The following PACRG variants were observed in gnomAD, a reference collection of about 807,000 sequenced individuals.
The protein encoded by PACRG is parkin coregulated gene protein.
PACRG carries 29 observed loss-of-function variants against 29.7 expected under a neutral mutation model. The observed-to-expected ratio is 0.98, with a 90% CI of 0.73 to 1.33. PACRG has a LOEUF of 1.33. Ranked by LOEUF, PACRG falls within the 40% of genes most tolerant of loss-of-function variation. The pLI is 0.00. For synonymous variants in PACRG, 116 were observed against 118.7 expected, an observed-to-expected ratio of 0.98 and a Z score of 0.15; for missense variants, 279 against 316.2, an observed-to-expected ratio of 0.88 and a Z score of 0.89.
At chr6:163,145,600 G>A (rs1777760894) in intron 4 of PACRG, among the ~76,000 whole-genome samples, 1 of 152,158 alleles carries the variant, frequency 6.6e-6, no homozygotes, top group African/African-American at 2.4e-5. Context: ...ATACAGTACT[G>A]GCTTCAGCGG....
rs75404825 is a variant in PACRG, at chr6:162,958,492, A to T, written c.292-103658A>T. Among the ~76,000 whole-genome samples the T allele has an allele frequency of 9.0e-3, 1,371 of 152,062 alleles. 14 individuals carry two copies. Among genetic ancestry groups the T allele is most frequent in the African/African-American group, 0.024 (989 of 41,474 alleles). ...TCAATCATATTTGGTAGCTCCTCTT[A>T]ATTACCTGACCTATGGTGGTCATTT... On this transcript the variant is annotated intron_variant, in intron 2 of 4. Coordinates refer to ENST00000366888, the MANE Select transcript of PACRG (RefSeq NM_001080379.2).
At chr6:163,029,262 T>A (rs1258665245) in intron 2 of PACRG, among the ~76,000 whole-genome samples, 2 of 152,216 alleles carry the variant, frequency 1.3e-5, no homozygotes, top group Admixed American at 1.3e-4. Flanking sequence ...CACCTTGATG[T>A]CAGCCTGCGA....
At chr6:163,000,913 G>C (rs1804532421) in intron 2 of PACRG, among the ~76,000 whole-genome samples, 1 of 152,198 alleles carries the variant, frequency 6.6e-6, no homozygotes, top group Non-Finnish European at 1.5e-5. Flanking sequence ...AGGGGCTCCT[G>C]AAACACTTAG....
At chr6:163,237,818 T>C (rs960153693) in intron 4 of PACRG, among the ~76,000 whole-genome samples, 4 of 152,346 alleles carry the variant, frequency 2.6e-5, no homozygotes, top group Non-Finnish European at 5.9e-5. Flanking sequence ...TATTACTACA[T>C]GTTTTGCTCA....
intron 4 of PACRG, among the ~76,000 whole-genome samples, chr6:163,156,042 C>A (rs1428841460): frequency 6.6e-6 from 1 of 152,206 alleles, no homozygotes; most frequent in Admixed American, 6.5e-5. Flanking sequence ...CCCTTCGCAG[C>A]GCTCTCCTGA....
rs112860933 is a variant in PACRG, at chr6:163,143,340, C to T, written c.613+53932C>T. Among the ~76,000 whole-genome samples the T allele has an allele frequency of 7.5e-4, 115 of 152,318 alleles. 1 individual carries two copies. The highest frequency in any genetic ancestry group is 2.2e-3 in the African/African-American group (93 of 41,578). The stretch of plus-strand genomic sequence containing the variant: ...GGTGTCTCAGCTTGATGATGGTGTC[C>T]ACCATGGCTTCGTGGTTTCCAACGC... On this transcript the variant is annotated intron_variant, in intron 4 of 4. Transcript: ENST00000366888.
At chr6:163,250,519 G>A (rs537792669) in intron 4 of PACRG, among the ~76,000 whole-genome samples, 23 of 152,320 alleles carry the variant, frequency 1.5e-4, no homozygotes, top group Non-Finnish European at 3.2e-4. Flanking sequence ...GCTTTCTGGA[G>A]GAGTCTGTAG....
chr6:163,270,199 C>G (rs1783772200), intron 4 of PACRG, among the ~76,000 whole-genome samples: 1 of 152,084 alleles, frequency 6.6e-6, no homozygotes, highest in Non-Finnish European at 1.5e-5. Context: ...ATAAAGCGAG[C>G]ATTTCAATTC....
chr6:163,018,260 A>G (rs1207067786), intron 2 of PACRG, among the ~76,000 whole-genome samples: 2 of 152,194 alleles, frequency 1.3e-5, no homozygotes, highest in Admixed American at 6.5e-5. Flanking sequence ...CTACACTACC[A>G]AAGCATTATA....
At chr6:163,275,211 A>C (rs1046101343) in intron 4 of PACRG, among the ~76,000 whole-genome samples, 1 of 152,140 alleles carries the variant, frequency 6.6e-6, no homozygotes, top group African/African-American at 2.4e-5. Flanking sequence ...GCTTAAAATA[A>C]TGTTCTTTAA....
chr6:163,190,853 T>C (rs1035574273), intron 4 of PACRG: 11 of 415,210 alleles, frequency 2.6e-5, no homozygotes, highest in African/African-American at 2.3e-4. Flanking sequence ...ATTACTTCCC[T>C]CGTGTTCTGT....
chr6:163,182,102 T>A (rs1023071145), intron 4 of PACRG, among the ~76,000 whole-genome samples: 2 of 152,204 alleles, frequency 1.3e-5, no homozygotes, highest in Non-Finnish European at 2.9e-5. Flanking sequence ...CCTACTTAGT[T>A]CTTCTTGCGG....
intron 4 of PACRG, among the ~76,000 whole-genome samples, chr6:163,139,064 C>A (rs113565855): frequency 4.6e-5 from 7 of 152,344 alleles, no homozygotes; most frequent in African/African-American, 1.4e-4. Flanking sequence ...TGGTGGCTTG[C>A]AGAATGTGTT....
intron 2 of PACRG, among the ~76,000 whole-genome samples, chr6:162,972,886 T>C (rs59240975): frequency 0.026 from 3,923 of 152,304 alleles, 151 homozygotes; most frequent in African/African-American, 0.082. Context: ...TCTTCTATAA[T>C]GATTCTTTAG....
chr6:163,147,826 C>T (rs867791475), intron 4 of PACRG, among the ~76,000 whole-genome samples: 3 of 152,148 alleles, frequency 2.0e-5, no homozygotes, highest in African/African-American at 2.4e-5. Flanking sequence ...CTCCCAGCCC[C>T]GGGGAAGATG....
At chr6:162,749,407 G>A (rs1199260377) in intron 1 of PACRG, among the ~76,000 whole-genome samples, 1 of 152,168 alleles carries the variant, frequency 6.6e-6, no homozygotes, top group Non-Finnish European at 1.5e-5. Context: ...TGCCATCCCT[G>A]AGACATACGA....
At chr6:163,025,854 G>C (rs148975711) in intron 2 of PACRG, among the ~76,000 whole-genome samples, 5 of 152,342 alleles carry the variant, frequency 3.3e-5, no homozygotes, top group Middle Eastern at 3.4e-3. Context: ...GAGCACAAAG[G>C]TTGGCAAATG....
intron 4 of PACRG, among the ~76,000 whole-genome samples, chr6:163,099,482 C>A (rs932527108): frequency 3.3e-5 from 5 of 152,192 alleles, no homozygotes; most frequent in Non-Finnish European, 5.9e-5. Context: ...AAGCAAATAG[C>A]AATTTCTAAA....
chr6:163,014,432 A>G (rs939093884), intron 2 of PACRG, among the ~76,000 whole-genome samples: 1 of 152,110 alleles, frequency 6.6e-6, no homozygotes, highest in African/African-American at 2.4e-5. Flanking sequence ...AAATCTCCAA[A>G]CTGTTTTCCA....
Sources: allele counts gnomAD v4.1 joint callset (sites outside exome capture counted in the v4.1 genomes callset), GRCh38; gene constraint gnomAD v4.1.1; transcripts MANE v1.5; gene names NCBI Gene and HGNC (gene_info 2026-07-23, HGNC 2026-07-21).